PRKCA: variants seen among roughly 807,000 people sequenced by gnomAD.
PRKCA encodes protein kinase C alpha type.
A neutral mutation model predicts 87.0 loss-of-function variants in PRKCA; 27 were observed. The ratio of observed to expected loss-of-function variants is 0.31; its 90% confidence interval spans 0.23 to 0.43. The LOEUF is 0.43. Ranked by LOEUF, PRKCA falls within the 20% of genes least tolerant of loss-of-function variation. The pLI is 1.00. For synonymous variants in PRKCA, 329 were observed against 311.1 expected (o/e 1.06, Z -0.61); for missense variants, 518 against 852.3 (o/e 0.61, Z 4.88).
At chr17:66,395,112 G>C (rs1910589706) in intron 2 of PRKCA, among the ~76,000 whole-genome samples, 1 of 152,028 alleles carries the variant, frequency 6.6e-6, no homozygotes, top group African/African-American at 2.4e-5. Context: ...CTCTCACTAT[G>C]ATTTAAATTA....
At chr17:66,317,259 C>T (rs1905372382) in intron 2 of PRKCA, among the ~76,000 whole-genome samples, 1 of 152,128 alleles carries the variant, frequency 6.6e-6, no homozygotes, top group Non-Finnish European at 1.5e-5. Context: ...ATGGGCTAAC[C>T]TCGGGCTGAT....
At chr17:66,692,224 A>G (rs1972803534) in intron 8 of PRKCA, among the ~76,000 whole-genome samples, 1 of 152,206 alleles carries the variant, frequency 6.6e-6, no homozygotes, top group South Asian at 2.1e-4. Flanking sequence ...ACTGCATTCT[A>G]ACCTTTGCTT....
intron 8 of PRKCA, among the ~76,000 whole-genome samples, chr17:66,715,390 TCTCA>T (rs747265006): frequency 9.2e-5 from 14 of 152,208 alleles, no homozygotes; most frequent in Non-Finnish European, 1.8e-4. Flanking sequence ...TGTCGTTACT[TCTCA>T]CTATTTTCCA....
chr17:66,807,001 G>A lies in PRKCA; in HGVS notation c.*2964G>A, dbSNP rs1265338240. 6.6e-6 allele frequency: 1 copy of A among 152,322 alleles called. No homozygotes were observed. Among genetic ancestry groups the A allele is most frequent in the African/African-American group, 2.4e-5 (1 of 41,462 alleles). The allele number at this position is 152,322 out of a possible 1,614,324, so 9.4% of individuals were successfully genotyped here. On this transcript the variant is annotated 3_prime_UTR_variant, in exon 17 of 17. Transcript: ENST00000413366. The surrounding 1 kb of genome is among the most constrained non-coding windows in gnomAD (Gnocchi z 4.3). ...CAAAGACAGTTATTGTTGGAAGACT[G>A]TCATGTAGATAACCATGAGCAATGG...
intron 3 of PRKCA, among the ~76,000 whole-genome samples, chr17:66,514,707 C>T (rs983006543): frequency 6.6e-6 from 1 of 151,950 alleles, no homozygotes; most frequent in Non-Finnish European, 1.5e-5. Flanking sequence ...GCATCCTACC[C>T]GTGCTCCAAG....
chr17:66,517,207 C>T (rs1375990425), intron 3 of PRKCA, among the ~76,000 whole-genome samples: 2 of 152,112 alleles, frequency 1.3e-5, no homozygotes, highest in African/African-American at 4.8e-5. Context: ...TCACTTGAAC[C>T]TGGGAGGTAG....
intron 2 of PRKCA, among the ~76,000 whole-genome samples, chr17:66,326,430 G>A (rs952839245): frequency 6.6e-6 from 1 of 152,280 alleles, no homozygotes; most frequent in African/African-American, 2.4e-5. Context: ...GGTATGTGAT[G>A]ATATAAAACA....
chr17:66,434,588 C>T (rs560750378), intron 2 of PRKCA, among the ~76,000 whole-genome samples: 1 of 152,238 alleles, frequency 6.6e-6, no homozygotes, highest in Admixed American at 6.5e-5. Flanking sequence ...ACGATTTCCC[C>T]CTTTGCTATG....
Position 66,804,871 on chromosome 17 carries a change from A to G in PRKCA, c.*834A>G. 1 of 352,332 alleles carries G rather than the reference A, an allele frequency of 2.8e-6. No individual in the cohort carries two copies. Among genetic ancestry groups the G allele is most frequent in the Non-Finnish European group, 4.0e-6 (1 of 251,234 alleles). 21.8% of individuals were successfully genotyped at this position (352,332 alleles called of 1,614,324 possible). A position where few individuals can be genotyped will look rare whatever the true frequency, so the allele number is the denominator to read the frequency against. ...TTATTTTTCCATCCAGGGTGCCATC[A>G]GTAATCATGCCACTACTCACCAGTG... On this transcript the variant is annotated 3_prime_UTR_variant, in exon 17 of 17. Transcript: ENST00000413366.
intron 3 of PRKCA, among the ~76,000 whole-genome samples, chr17:66,599,758 C>A (rs1364936510): frequency 2.5e-5 from 1 of 39,948 alleles, no homozygotes; most frequent in Non-Finnish European, 4.2e-5. Flanking sequence ...GCTTTGAATG[C>A]GTCCCAGAGA....
chr17:66,805,778 G>A lies in PRKCA; in HGVS notation c.*1741G>A, dbSNP rs556999686. Reference sequence around the variant, plus strand: ...CACACGTGGCATTGCCGCAGCACCTGGGCTGACCTTTGTGTGTGCGTGTGT... The same window carrying A: ...CACACGTGGCATTGCCGCAGCACCTAGGCTGACCTTTGTGTGTGCGTGTGT... On this transcript the variant is annotated 3_prime_UTR_variant, in exon 17 of 17. Transcript: ENST00000413366. 1 of 152,292 alleles carries A rather than the reference G, an allele frequency of 6.6e-6. No individual in the cohort carries two copies. The highest frequency in any genetic ancestry group is 2.1e-4 in the South Asian group (1 of 4,826). 9.4% of individuals were successfully genotyped at this position (152,292 alleles called of 1,614,324 possible).
At position 66,587,524 on chromosome 17, in the gene PRKCA, T is replaced by C. The variant is rs1969633298; in HGVS notation, c.289-53831T>C. Reference sequence around the variant, plus strand: ...GACAGTAATTGGTTCGTTTTCCTAATGGAGGACAGCTAGATTGCTTCCACA... The same window carrying C: ...GACAGTAATTGGTTCGTTTTCCTAACGGAGGACAGCTAGATTGCTTCCACA... On this transcript the variant is annotated intron_variant, in intron 3 of 16. Transcript: ENST00000413366. Among the ~76,000 whole-genome samples, 6 of 152,182 alleles carry C rather than the reference T, an allele frequency of 3.9e-5. No homozygotes were observed. In the South Asian group the frequency reaches 1.2e-3, roughly 32 times the overall value.
intron 8 of PRKCA, among the ~76,000 whole-genome samples, chr17:66,711,654 T>C (rs571967660): frequency 1.3e-5 from 2 of 152,276 alleles, no homozygotes; most frequent in African/African-American, 4.8e-5. Context: ...TCGCAGTGCT[T>C]TTATGTTCGC....
At chr17:66,726,722 A>G (rs1598900186) in intron 8 of PRKCA, among the ~76,000 whole-genome samples, 1 of 147,248 alleles carries the variant, frequency 6.8e-6, no homozygotes, top group Admixed American at 6.8e-5. Context: ...GGACAGGACC[A>G]CTGTCTTTTT....
chr17:66,753,346 C>T (rs189864486), intron 13 of PRKCA, among the ~76,000 whole-genome samples: 11 of 152,346 alleles, frequency 7.2e-5, no homozygotes, highest in Non-Finnish European at 1.3e-4. Flanking sequence ...TGAACACCGC[C>T]CTGCTGGCGT....
chr17:66,436,624 G>A (rs960025321), intron 2 of PRKCA, among the ~76,000 whole-genome samples: 1 of 152,206 alleles, frequency 6.6e-6, no homozygotes, highest in Non-Finnish European at 1.5e-5. Context: ...AGAGGTGGAC[G>A]ATGAAAGTCT....
chr17:66,635,468 G>A (rs1971129371), intron 3 of PRKCA, among the ~76,000 whole-genome samples: 1 of 152,198 alleles, frequency 6.6e-6, no homozygotes, highest in Non-Finnish European at 1.5e-5. Flanking sequence ...TGTGCCTTGA[G>A]ATGATTTTGT....
chr17:66,571,142 A>G (rs1488053216), intron 3 of PRKCA, among the ~76,000 whole-genome samples: 2 of 152,248 alleles, frequency 1.3e-5, no homozygotes, highest in East Asian at 3.9e-4. Flanking sequence ...TGTGAAAACA[A>G]AAGCTCAGTG....
intron 5 of PRKCA, among the ~76,000 whole-genome samples, chr17:66,664,647 GTTTTTTTTTT>G (rs398031366): frequency 1.5e-5 from 1 of 67,788 alleles, no homozygotes; most frequent in Non-Finnish European, 2.7e-5. Flanking sequence ...TTTTGCTTTG[GTTTTTTTTTT>G]TTTTTTTTTT....
Sources: gnomAD v4.1 joint callset for allele counts (sites outside exome capture counted in the v4.1 genomes callset) on GRCh38, gnomAD v4.1.1 for gene constraint, Gnocchi (gnomAD v3.1) non-coding constraint, MANE v1.5 for transcripts, NCBI Gene and HGNC (gene_info 2026-07-23, HGNC 2026-07-21) for gene names.